Variants in GALNTL6 observed in about 807,000 individuals in gnomAD.
GALNTL6 encodes polypeptide N-acetylgalactosaminyltransferase-like 6.
Under a neutral mutation model 73.7 loss-of-function variants are expected in GALNTL6, and 46 were observed. That is an observed-to-expected ratio of 0.62 (90% CI 0.49 to 0.80). The LOEUF (loss-of-function observed/expected upper bound fraction) is 0.80. Ranked by LOEUF, GALNTL6 falls within the 30% of genes least tolerant of loss-of-function variation. The pLI, the probability that GALNTL6 is intolerant of heterozygous loss-of-function variation, is 0.00. For synonymous variants in GALNTL6, 259 were observed against 263.7 expected (o/e 0.98, Z 0.17); for missense variants, 604 against 755.0 (o/e 0.80, Z 2.34).
chr4:172,895,333 G>A (rs1746262865), intron 8 of GALNTL6, among the ~76,000 whole-genome samples: 1 of 148,592 alleles, frequency 6.7e-6, no homozygotes, highest in Admixed American at 6.7e-5. Flanking sequence ...TTCATTTGTT[G>A]CTTTTTACTT....
intron 5 of GALNTL6, among the ~76,000 whole-genome samples, chr4:172,661,695 T>C (rs976883536): frequency 3.9e-5 from 6 of 152,196 alleles, no homozygotes; most frequent in African/African-American, 1.4e-4. Context: ...AAAGAGCACA[T>C]GCCAATTTCA....
At chr4:172,460,129 C>G (rs548380896) in intron 5 of GALNTL6, among the ~76,000 whole-genome samples, 1 of 152,264 alleles carries the variant, frequency 6.6e-6, no homozygotes, top group Non-Finnish European at 1.5e-5. Context: ...TAAGGATTCC[C>G]TATTTTATAA....
chr4:172,301,529 C>T (rs370588458), intron 3 of GALNTL6, among the ~76,000 whole-genome samples: 8 of 152,158 alleles, frequency 5.3e-5, no homozygotes, highest in South Asian at 2.1e-4. Context: ...ATGATGGTGA[C>T]GTACAGATGG....
At chr4:172,334,354 T>C (rs1361415727) in intron 4 of GALNTL6, among the ~76,000 whole-genome samples, 1 of 152,236 alleles carries the variant, frequency 6.6e-6, no homozygotes. Context: ...ATGGTCATTT[T>C]AATGACATCA....
intron 5 of GALNTL6, among the ~76,000 whole-genome samples, chr4:172,630,054 C>A (rs1293246148): frequency 6.6e-6 from 1 of 152,104 alleles, no homozygotes; most frequent in Non-Finnish European, 1.5e-5. Context: ...GCTGGGAAAT[C>A]CTCCTGAGAC....
At chr4:173,034,978 T>C (rs942561454) in intron 12 of GALNTL6, among the ~76,000 whole-genome samples, 1 of 152,080 alleles carries the variant, frequency 6.6e-6, no homozygotes, top group Non-Finnish European at 1.5e-5. Context: ...AATGCATAAG[T>C]ATATATATTA....
intron 2 of GALNTL6, among the ~76,000 whole-genome samples, chr4:172,073,635 T>C (rs1731620539): frequency 6.6e-6 from 1 of 152,222 alleles, no homozygotes; most frequent in Non-Finnish European, 1.5e-5. Context: ...GGAATTTTTA[T>C]TGATTCTCCC....
intron 3 of GALNTL6, among the ~76,000 whole-genome samples, chr4:172,297,217 G>A (rs1467565289): frequency 1.3e-5 from 2 of 152,036 alleles, no homozygotes; most frequent in Non-Finnish European, 2.9e-5. Flanking sequence ...TTTTTTTCTT[G>A]TAAATTTGTT....
chr4:173,030,567 A>T (rs1753414072), intron 12 of GALNTL6, among the ~76,000 whole-genome samples: 1 of 152,168 alleles, frequency 6.6e-6, no homozygotes, highest in Non-Finnish European at 1.5e-5. Flanking sequence ...GAACTATGAA[A>T]AAATCAAATT....
At chr4:171,993,319 T>C (rs1314538386) in intron 2 of GALNTL6, among the ~76,000 whole-genome samples, 1 of 151,618 alleles carries the variant, frequency 6.6e-6, no homozygotes, top group African/African-American at 2.4e-5. Context: ...ATGTGATAAG[T>C]GATATTTTTT....
At chr4:172,156,124 C>T (rs1411047199) in intron 2 of GALNTL6, among the ~76,000 whole-genome samples, 2 of 151,802 alleles carry the variant, frequency 1.3e-5, no homozygotes, top group Non-Finnish European at 2.9e-5. Flanking sequence ...CAAGTGAGGA[C>T]GGGGCAGGGG....
At chr4:172,414,937 A>G (rs888191112) in intron 5 of GALNTL6, among the ~76,000 whole-genome samples, 2 of 152,200 alleles carry the variant, frequency 1.3e-5, no homozygotes, top group African/African-American at 2.4e-5. Context: ...AAAGTCTCTT[A>G]CAATAACATC....
intron 5 of GALNTL6, among the ~76,000 whole-genome samples, chr4:172,462,960 T>G (rs1365474551): frequency 6.6e-6 from 1 of 152,188 alleles, no homozygotes; most frequent in Non-Finnish European, 1.5e-5. Flanking sequence ...TGAGTAATTC[T>G]GTCTGTGTCA....
At chr4:173,007,710 G>A (rs1752365237) in intron 10 of GALNTL6, among the ~76,000 whole-genome samples, 2 of 152,132 alleles carry the variant, frequency 1.3e-5, no homozygotes, top group African/African-American at 2.4e-5. Context: ...GGAGGCTGAG[G>A]TAGGATAATT....
At chr4:172,464,008 T>C (rs1327772955) in intron 5 of GALNTL6, among the ~76,000 whole-genome samples, 5 of 152,194 alleles carry the variant, frequency 3.3e-5, no homozygotes, top group Admixed American at 3.3e-4. Flanking sequence ...TTTCATCTTA[T>C]TCTTTTCTGT....
intron 3 of GALNTL6, among the ~76,000 whole-genome samples, 166 bp from the exon 4 acceptor site, chr4:172,311,448 T>C (rs1740354199): frequency 6.6e-6 from 1 of 152,170 alleles, no homozygotes; most frequent in African/African-American, 2.4e-5. Flanking sequence ...TTGAGTATAT[T>C]TCATTTACTT....
At chr4:172,488,620 C>A (rs1484144780) in intron 5 of GALNTL6, among the ~76,000 whole-genome samples, 3 of 152,118 alleles carry the variant, frequency 2.0e-5, no homozygotes, top group Admixed American at 1.3e-4. Flanking sequence ...CATTTTAGTA[C>A]CCACTAAAGC....
intron 3 of GALNTL6, among the ~76,000 whole-genome samples, chr4:172,249,738 A>G (rs905046611): frequency 6.6e-6 from 1 of 152,218 alleles, no homozygotes; most frequent in African/African-American, 2.4e-5. Flanking sequence ...AAGCCTTGCC[A>G]GCTTCCAGGT....
intron 5 of GALNTL6, among the ~76,000 whole-genome samples, chr4:172,531,609 C>T (rs2110847952): frequency 6.6e-6 from 1 of 152,322 alleles, no homozygotes; most frequent in South Asian, 2.1e-4. Flanking sequence ...CTCCAGGATG[C>T]TCTTAATACC....
Sources: gnomAD v4.1 joint callset for allele counts (sites outside exome capture counted in the v4.1 genomes callset) on GRCh38, gnomAD v4.1.1 for gene constraint, MANE v1.5 for transcripts, NCBI Gene and HGNC (gene_info 2026-07-23, HGNC 2026-07-21) for gene names.